Variants in PDGFRL observed in about 807,000 individuals in gnomAD.
The protein encoded by PDGFRL is platelet derived growth factor receptor like, also known as platelet-derived growth factor receptor-like protein.
PDGFRL carries 46 observed loss-of-function variants against 37.2 expected under a neutral mutation model. The ratio of observed to expected loss-of-function variants is 1.24; its 90% CI spans 0.98 to 1.58. The LOEUF is 1.58. PDGFRL is among the 40% of genes most tolerant of loss of function. The pLI is 0.00. For missense variants in PDGFRL, 692 were observed against 467.6 expected (o/e 1.48, Z -4.43); for synonymous variants, 251 against 184.3 (o/e 1.36, Z -2.93).
upstream of PDGFRL, chr8:17,576,712 C>G (rs1803587307): frequency 6.1e-6 from 6 of 985,516 alleles, no homozygotes; most frequent in South Asian, 4.7e-5. Flanking sequence ...GAGACCAACT[C>G]TGGCCAGACA....
intron 2 of PDGFRL, among the ~76,000 whole-genome samples, chr8:17,598,255 A>G (rs986337997): frequency 6.6e-6 from 1 of 152,270 alleles, no homozygotes; most frequent in African/African-American, 2.4e-5. Context: ...GTGTGTGATC[A>G]GTAGTTTCCC....
chr8:17,620,341 C>G (rs1232836615), intron 2 of PDGFRL, among the ~76,000 whole-genome samples: 1 of 152,044 alleles, frequency 6.6e-6, no homozygotes, highest in Non-Finnish European at 1.5e-5. Context: ...AAATAATATT[C>G]ATATTTTCTT....
intron 3 of PDGFRL, among the ~76,000 whole-genome samples, chr8:17,621,738 A>C (rs1478282807): frequency 1.3e-5 from 2 of 152,108 alleles, no homozygotes; most frequent in Non-Finnish European, 2.9e-5. Context: ...GCTGCTGTTG[A>C]CTTTCATCAC....
chr8:17,576,790 T>G (rs1330129558), upstream of PDGFRL: 3 of 575,514 alleles, frequency 5.2e-6, no homozygotes, highest in East Asian at 4.1e-4. Context: ...AGAAATGGAA[T>G]GAACAGAAAT....
chr8:17,631,200 T>G (rs1804854160), intron 4 of PDGFRL, among the ~76,000 whole-genome samples: 1 of 151,972 alleles, frequency 6.6e-6, no homozygotes. Context: ...CTTTCTGGAG[T>G]GAAGCACCCT....
At position 17,621,912 on chromosome 8, in the gene PDGFRL, A is replaced by T. The variant is rs557958859; in HGVS notation, c.505+710A>T. ...GGTCTCGAACTCCTGAACTCAAGCT[A>T]TCCTCCTGCTTCGGTCTCCCAAATT... On this transcript the variant is annotated intron_variant, in intron 3 of 5. Transcript: ENST00000251630. Among the ~76,000 whole-genome samples, 14 of 152,238 alleles carry T rather than the reference A, an allele frequency of 9.2e-5. No homozygotes were observed. In the East Asian group the frequency reaches 2.5e-3, roughly 27 times the overall value.
intron 1 of PDGFRL, among the ~76,000 whole-genome samples, chr8:17,579,191 A>G (rs891044240): frequency 3.9e-5 from 6 of 152,196 alleles, no homozygotes; most frequent in African/African-American, 1.2e-4. Context: ...GTGAGACTCC[A>G]TCTCAAGAAA....
chr8:17,576,740 C>T (rs756277572), upstream of PDGFRL: 24 of 972,132 alleles, frequency 2.5e-5, no homozygotes, highest in Non-Finnish European at 2.9e-5. Context: ...GCAGCAAGAA[C>T]CCGGGGCAAC....
At chr8:17,627,088 G>A (rs1256025157) in intron 3 of PDGFRL, among the ~76,000 whole-genome samples, 1 of 152,176 alleles carries the variant, frequency 6.6e-6, no homozygotes, top group Admixed American at 6.5e-5. Context: ...CCGTGCTGGG[G>A]CTCCCAGGGG....
At chr8:17,615,325 T>TGC (rs1804501188) in intron 2 of PDGFRL, among the ~76,000 whole-genome samples, 1 of 152,022 alleles carries the variant, frequency 6.6e-6, no homozygotes, top group Non-Finnish European at 1.5e-5. Flanking sequence ...AGTGTGTGTG[T>TGC]GTGCATAGCT....
At chr8:17,610,793 C>T (rs1804394798) in intron 2 of PDGFRL, among the ~76,000 whole-genome samples, 1 of 152,062 alleles carries the variant, frequency 6.6e-6, no homozygotes, top group Non-Finnish European at 1.5e-5. Flanking sequence ...TGCCTATAGT[C>T]TCAGGTACTC....
In PDGFRL at chr8:17,621,127, T is replaced by TG; in HGVS notation, c.433dup (p.Val145GlyfsTer82). The TG allele has an allele frequency of 3.1e-6, 5 of 1,609,910 alleles. No individual in the cohort carries two copies. The highest frequency in any genetic ancestry group is 4.2e-6 in the Non-Finnish European group (5 of 1,176,482). The stretch of plus-strand genomic sequence containing the variant: ...GGCAGACACAGGTGAATTCAGCTGC[T>TG]GGGTGCAGCTCTGCAGCGGCTACAT... On this transcript the variant is annotated frameshift_variant, in exon 3 of 6. Transcript: ENST00000251630. LOFTEE classifies it high-confidence loss of function.
chr8:17,638,307 G>A (rs573425311), intron 5 of PDGFRL, among the ~76,000 whole-genome samples: 1 of 152,164 alleles, frequency 6.6e-6, no homozygotes, highest in Admixed American at 6.6e-5. Context: ...TTGACCCAGT[G>A]ATCATTCAGG....
chr8:17,598,408 G>A (rs975807362), intron 2 of PDGFRL, among the ~76,000 whole-genome samples: 1 of 152,144 alleles, frequency 6.6e-6, no homozygotes, highest in Admixed American at 6.5e-5. Context: ...ACACATCTGT[G>A]GTTTATCATC....
chr8:17,640,665 A>G (rs1002283281), intron 5 of PDGFRL, among the ~76,000 whole-genome samples: 2 of 152,096 alleles, frequency 1.3e-5, no homozygotes, highest in Non-Finnish European at 2.9e-5. Flanking sequence ...AGCTGCTCTA[A>G]TGGAGGTGGC....
intron 3 of PDGFRL, among the ~76,000 whole-genome samples, chr8:17,621,447 TTAAA>T (rs1384658199): frequency 6.6e-6 from 1 of 151,766 alleles, no homozygotes; most frequent in Non-Finnish European, 1.5e-5. Flanking sequence ...TTTAGAGTGA[TTAAA>T]TAAGTCCTTA....
chr8:17,642,186 T>G (rs1353503644), intron 5 of PDGFRL, among the ~76,000 whole-genome samples: 1 of 152,140 alleles, frequency 6.6e-6, no homozygotes, highest in East Asian at 1.9e-4. Context: ...ATTTATACAG[T>G]GGGTGCTTTT....
At chr8:17,601,415 G>A (rs953544120) in intron 2 of PDGFRL, among the ~76,000 whole-genome samples, 5 of 151,978 alleles carry the variant, frequency 3.3e-5, no homozygotes, top group African/African-American at 1.2e-4. Flanking sequence ...CTTTAGACCT[G>A]AAAGGGACCT....
chr8:17,589,888 A>G, intron 2 of PDGFRL, 123 bp downstream of exon 2: 2 of 645,298 alleles, frequency 3.1e-6, no homozygotes, highest in South Asian at 4.2e-5. Flanking sequence ...GATCATAAAA[A>G]TAGAAGCTCA....
Sources: allele counts gnomAD v4.1 joint callset (sites outside exome capture counted in the v4.1 genomes callset), GRCh38; gene constraint gnomAD v4.1.1; transcripts MANE v1.5; gene names NCBI Gene and HGNC (gene_info 2026-07-23, HGNC 2026-07-21).